WDFY2: variants seen among roughly 807,000 people sequenced by gnomAD.
WDFY2 encodes WD repeat and FYVE domain-containing protein 2.
Under a neutral mutation model 56.4 loss-of-function variants are expected in WDFY2, and 36 were observed. That is an observed-to-expected ratio of 0.64 (90% confidence interval 0.49 to 0.84). The LOEUF is 0.84. Ranked by LOEUF, WDFY2 falls within the 40% of genes least tolerant of loss-of-function variation. WDFY2 has a pLI of 0.00. For missense variants in WDFY2, 444 were observed against 512.2 expected, an observed-to-expected ratio of 0.87 and a Z score of 1.29; for synonymous variants, 176 against 183.7, an observed-to-expected ratio of 0.96 and a Z score of 0.34.
intron 1 of WDFY2, among the ~76,000 whole-genome samples, chr13:51,654,514 T>C: frequency 6.6e-6 from 1 of 152,242 alleles, no homozygotes; most frequent in Non-Finnish European, 1.5e-5. Flanking sequence ...AGCTGTAGAC[T>C]GGAGCTGTTC....
intron 2 of WDFY2, among the ~76,000 whole-genome samples, chr13:51,667,005 C>G (rs576228221): frequency 6.6e-6 from 1 of 152,162 alleles, no homozygotes; most frequent in Non-Finnish European, 1.5e-5. Flanking sequence ...TTCATTTTTG[C>G]TACAATTTGC....
At chr13:51,586,019 G>T (rs141499691) in intron 1 of WDFY2, 3 of 398,368 alleles carry the variant, frequency 7.5e-6, no homozygotes, top group African/African-American at 6.2e-5. Context: ...TTAATTTCCT[G>T]TGCAGATCCA....
chr13:51,676,100 T>C (rs1296999456), intron 3 of WDFY2, among the ~76,000 whole-genome samples: 1 of 152,148 alleles, frequency 6.6e-6, no homozygotes, highest in East Asian at 1.9e-4. Flanking sequence ...AAGTCCTCCC[T>C]CTCTCCCACT....
chr13:51,613,038 A>G (rs540466260), intron 1 of WDFY2, among the ~76,000 whole-genome samples: 10 of 152,178 alleles, frequency 6.6e-5, no homozygotes, highest in African/African-American at 2.4e-4. Context: ...GTGGCTGATC[A>G]TGAAGAAGCT....
At chr13:51,608,226 AT>A in intron 1 of WDFY2, among the ~76,000 whole-genome samples, 1 of 152,374 alleles carries the variant, frequency 6.6e-6, no homozygotes, top group African/African-American at 2.4e-5. Context: ...ATATTTGTTT[AT>A]TTAATTTTTA....
At chr13:51,739,330 A>C (rs1952912820) in intron 7 of WDFY2, among the ~76,000 whole-genome samples, 155 bp downstream of exon 7, 1 of 152,202 alleles carries the variant, frequency 6.6e-6, no homozygotes, top group South Asian at 2.1e-4. Context: ...TAACTGTGTA[A>C]AACTGTGTTT....
rs1427811973 is a variant in WDFY2, at chr13:51,760,545, G to C, written c.*776G>C. The stretch of plus-strand genomic sequence containing the variant: ...TCAGAGCTTCAACGATCAGTGCCTG[G>C]ATCATTTAGAATTCAGTTGGAGCCT... On this transcript the variant is annotated 3_prime_UTR_variant, in exon 12 of 12. Coordinates refer to ENST00000298125, the MANE Select transcript of WDFY2 (RefSeq NM_052950.4). 1 of 152,070 alleles carries C rather than the reference G, an allele frequency of 6.6e-6. No individual in the cohort carries two copies. Among genetic ancestry groups the C allele is most frequent in the East Asian group, 1.9e-4 (1 of 5,202 alleles). The allele number at this position is 152,070 out of a possible 1,614,324, so 9.4% of individuals were successfully genotyped here. A position where few individuals can be genotyped will look rare whatever the true frequency, so the allele number is the denominator to read the frequency against.
intron 11 of WDFY2, among the ~76,000 whole-genome samples, chr13:51,759,434 C>G (rs1478292969): frequency 6.6e-6 from 1 of 152,182 alleles, no homozygotes; most frequent in Non-Finnish European, 1.5e-5. Context: ...GCAGCATTTC[C>G]CTTTTAGTGA....
At chr13:51,689,312 A>G (rs1199213191) in intron 3 of WDFY2, among the ~76,000 whole-genome samples, 1 of 152,206 alleles carries the variant, frequency 6.6e-6, no homozygotes, top group East Asian at 1.9e-4. Flanking sequence ...CTAGAGGGGC[A>G]GCAGCCAAAC....
rs1379605599 is a variant in WDFY2, at chr13:51,691,646, G to A, written c.280-11950G>A. Among the ~76,000 whole-genome samples, 9 of 152,088 alleles carry A rather than the reference G, an allele frequency of 5.9e-5. 1 individual carries two copies. The South Asian group carries it at 1.9e-3, about 32-fold the overall frequency. ...CAGGTAGTGTGATGCCTCCAGCTTT[G>A]TTCTTTTGGCTTAGGATTGACTTGG... On this transcript the variant is annotated intron_variant, in intron 3 of 11. Transcript: ENST00000298125.
At chr13:51,666,970 C>T (rs1955714980) in intron 2 of WDFY2, among the ~76,000 whole-genome samples, 1 of 152,110 alleles carries the variant, frequency 6.6e-6, no homozygotes, top group Non-Finnish European at 1.5e-5. Context: ...GACCTTGTGC[C>T]TGGGTGGGAA....
chr13:51,681,146 G>A (rs529349078), intron 3 of WDFY2, among the ~76,000 whole-genome samples: 4 of 152,308 alleles, frequency 2.6e-5, no homozygotes, highest in Non-Finnish European at 5.9e-5. Flanking sequence ...AAGCACTTCA[G>A]CTGTACCCAA....
At chr13:51,611,259 C>T (rs1262271148) in intron 1 of WDFY2, among the ~76,000 whole-genome samples, 1 of 152,124 alleles carries the variant, frequency 6.6e-6, no homozygotes, top group African/African-American at 2.4e-5. Flanking sequence ...ACTGTAAAAC[C>T]TATTGCTGTT....
At chr13:51,614,935 T>G (rs912182572) in intron 1 of WDFY2, among the ~76,000 whole-genome samples, 3 of 152,220 alleles carry the variant, frequency 2.0e-5, no homozygotes, top group African/African-American at 7.2e-5. Flanking sequence ...GCCTTAGCAC[T>G]CTGAGAGATC....
rs776540045 is a variant in WDFY2, at chr13:51,758,298, A to G, written c.1171A>G (p.Lys391Glu). Residue 391 changes from lysine (K) to glutamate (E), a missense_variant and splice_region_variant, in exon 11 of 12, where the codon AAG becomes GAG. Lys to Glu is a moderately conservative substitution (Grantham distance 56). Coordinates refer to ENST00000298125, the MANE Select transcript of WDFY2 (RefSeq NM_052950.4). The stretch of plus-strand genomic sequence containing the variant: ...GACTTCTGGAACTGACAAGGTTATT[A>G]AGGTAAGATGCCATCTTATTAAGAA... The part of the protein sequence containing the change: ...LLTSGTDKVI[K>E]LWDMTPVVS 1 of 1,585,468 alleles carries G rather than the reference A, an allele frequency of 6.3e-7. No individual in the cohort carries two copies.
chr13:51,759,673 C>G lies in WDFY2; in HGVS notation c.1174-67C>G, dbSNP rs890456452. 6.6e-6 allele frequency: 10 copies of G among 1,508,412 alleles called. No individual in the cohort carries two copies. The Admixed American group carries it at 1.8e-4, about 27-fold the overall frequency. The allele number at this position is 1,508,412 out of a possible 1,614,324, so 93.4% of individuals were successfully genotyped here. On this transcript the variant is annotated intron_variant, in intron 11 of 11. Coordinates refer to ENST00000298125, the MANE Select transcript of WDFY2 (RefSeq NM_052950.4). ...ATGAAAAAAATTTCCTTGAAGAATT[C>G]AGTTCTAAGGACTGTTATCCTCAAC...
intron 1 of WDFY2, among the ~76,000 whole-genome samples, chr13:51,611,659 C>T (rs78586809): frequency 0.051 from 7,755 of 152,228 alleles, 244 homozygotes; most frequent in Middle Eastern, 0.085. Flanking sequence ...CTACCTCATA[C>T]GACTCAGGAC....
intron 5 of WDFY2, among the ~76,000 whole-genome samples, chr13:51,725,660 ATG>A (rs1021306517): frequency 1.2e-4 from 18 of 150,678 alleles, no homozygotes; most frequent in East Asian, 3.9e-4. Context: ...GTATATACAT[ATG>A]TGTGTGTGTG....
chr13:51,629,826 CT>C (rs11432630), intron 1 of WDFY2, among the ~76,000 whole-genome samples: 33 of 125,064 alleles, frequency 2.6e-4, no homozygotes, highest in Non-Finnish European at 3.8e-4. Flanking sequence ...TCTTTCTTTT[CT>C]TTTTTTTTTT....
Sources: gnomAD v4.1 joint callset for allele counts (sites outside exome capture counted in the v4.1 genomes callset) on GRCh38, gnomAD v4.1.1 for gene constraint, MANE v1.5 for transcripts, NCBI Gene and HGNC (gene_info 2026-07-23, HGNC 2026-07-21) for gene names.